EDIL3: variants seen among roughly 807,000 people sequenced by gnomAD.
The protein encoded by EDIL3 is EGF-like repeat and discoidin I-like domain-containing protein 3.
In EDIL3, 37 loss-of-function variants were observed where a neutral mutation model predicts 67.4. The ratio of observed to expected loss-of-function variants is 0.55; its 90% CI spans 0.42 to 0.72. The LOEUF is 0.72. Among genes scored for constraint, EDIL3 ranks in the 30% least tolerant of loss-of-function variants. The pLI, the probability that EDIL3 is intolerant of heterozygous loss-of-function variation, is 0.00. For synonymous variants in EDIL3, 195 were observed against 196.3 expected, an observed-to-expected ratio of 0.99 and a Z score of 0.05; for missense variants, 527 against 586.3, an observed-to-expected ratio of 0.90 and a Z score of 1.04.
intron 1 of EDIL3, among the ~76,000 whole-genome samples, chr5:84,349,848 C>A (rs560463202): frequency 1.3e-5 from 2 of 152,150 alleles, no homozygotes; most frequent in South Asian, 2.1e-4. Flanking sequence ...GTACAAATAT[C>A]TTAGCAAATA....
intron 4 of EDIL3, among the ~76,000 whole-genome samples, chr5:84,153,151 C>T (rs1748427577): frequency 6.6e-6 from 1 of 152,148 alleles, no homozygotes; most frequent in Non-Finnish European, 1.5e-5. Context: ...CCCCTCAAAA[C>T]TACCTCTTAC....
chr5:84,125,047 G>A (rs1181385174), intron 5 of EDIL3, among the ~76,000 whole-genome samples: 2 of 151,872 alleles, frequency 1.3e-5, no homozygotes, highest in African/African-American at 4.8e-5. Flanking sequence ...AGGATGCAGA[G>A]TAAAAACAGA....
At chr5:84,191,149 A>G (rs1453055215) in intron 3 of EDIL3, among the ~76,000 whole-genome samples, 1 of 152,072 alleles carries the variant, frequency 6.6e-6, no homozygotes, top group Non-Finnish European at 1.5e-5. Context: ...CAATCTGTAA[A>G]ATATCAGATT....
intron 1 of EDIL3, among the ~76,000 whole-genome samples, chr5:84,343,171 C>G (rs1747160378): frequency 6.6e-6 from 1 of 151,710 alleles, no homozygotes; most frequent in Admixed American, 6.6e-5. Context: ...AAACTTGGAC[C>G]ATCTAAGATT....
At chr5:84,351,261 T>C (rs928040551) in intron 1 of EDIL3, among the ~76,000 whole-genome samples, 1 of 152,190 alleles carries the variant, frequency 6.6e-6, no homozygotes, top group Non-Finnish European at 1.5e-5. Context: ...GATAATAAAT[T>C]TATAGCATCA....
intron 4 of EDIL3, among the ~76,000 whole-genome samples, chr5:84,144,625 A>G (rs115720840): frequency 0.018 from 2,665 of 152,224 alleles, 79 homozygotes; most frequent in African/African-American, 0.061. Context: ...TTATTTTTCT[A>G]AATTAATGTG....
intron 5 of EDIL3, among the ~76,000 whole-genome samples, chr5:84,111,231 C>T (rs1271436629): frequency 6.6e-6 from 1 of 152,126 alleles, no homozygotes; most frequent in East Asian, 1.9e-4. Flanking sequence ...AAACTATTTT[C>T]TTCATAAATT....
intron 3 of EDIL3, among the ~76,000 whole-genome samples, chr5:84,198,064 C>T (rs1743749309): frequency 6.6e-6 from 1 of 151,946 alleles, no homozygotes; most frequent in Non-Finnish European, 1.5e-5. Context: ...GGCACAACAT[C>T]TGAGTAGGCA....
At chr5:84,259,866 T>TA (rs1385646595) in intron 1 of EDIL3, among the ~76,000 whole-genome samples, 1 of 151,924 alleles carries the variant, frequency 6.6e-6, no homozygotes, top group Non-Finnish European at 1.5e-5. Context: ...AGACAATGGT[T>TA]AAAAAAAACC....
intron 4 of EDIL3, among the ~76,000 whole-genome samples, chr5:84,149,720 T>C (rs1748353345): frequency 6.6e-6 from 1 of 152,100 alleles, no homozygotes; most frequent in South Asian, 2.1e-4. Flanking sequence ...AAAACAGTTA[T>C]TAAAACTGTA....
chr5:84,319,494 CAAAAAAAAAAAAAAAAAAA>C (rs55738450), intron 1 of EDIL3, among the ~76,000 whole-genome samples: 3 of 42,832 alleles, frequency 7.0e-5, no homozygotes, highest in East Asian at 5.6e-4. Flanking sequence ...CAAAAAACAA[CAAAAAAAAAAAAAAAAAAA>C]AAAAAAAAAA....
At chr5:84,254,601 A>G (rs1745093671) in intron 1 of EDIL3, among the ~76,000 whole-genome samples, 2 of 152,206 alleles carry the variant, frequency 1.3e-5, no homozygotes, top group African/African-American at 4.8e-5. Context: ...TCTTTAAAGG[A>G]CAGGAGTTTA....
At chr5:84,371,389 ATG>A (rs1439455017) in intron 1 of EDIL3, among the ~76,000 whole-genome samples, 3 of 145,338 alleles carry the variant, frequency 2.1e-5, no homozygotes, top group East Asian at 2.0e-4. Context: ...GTGTATATAT[ATG>A]TGTGTATATA....
chr5:84,275,469 A>G (rs1270828170), intron 1 of EDIL3, among the ~76,000 whole-genome samples: 1 of 152,252 alleles, frequency 6.6e-6, no homozygotes, highest in Non-Finnish European at 1.5e-5. Context: ...AATTAGAGGT[A>G]GCTATATAAA....
intron 1 of EDIL3, among the ~76,000 whole-genome samples, chr5:84,362,047 A>G (rs560299377): frequency 6.6e-6 from 1 of 152,214 alleles, no homozygotes; most frequent in African/African-American, 2.4e-5. Flanking sequence ...TTAATGTAGA[A>G]TACATATAAG....
At chr5:84,243,230 G>C (rs1193504803) in intron 2 of EDIL3, among the ~76,000 whole-genome samples, 1 of 152,202 alleles carries the variant, frequency 6.6e-6, no homozygotes, top group African/African-American at 2.4e-5. Context: ...TTTATCACCT[G>C]ATGTCCTAAT....
At chr5:84,213,486 G>A (rs746037504) in intron 3 of EDIL3, among the ~76,000 whole-genome samples, 2 of 152,272 alleles carry the variant, frequency 1.3e-5, no homozygotes, top group Non-Finnish European at 2.9e-5. Context: ...AATCTGTACA[G>A]TGGTTTTAAT....
At chr5:84,186,770 T>C (rs991376586) in intron 3 of EDIL3, among the ~76,000 whole-genome samples, 2 of 151,982 alleles carry the variant, frequency 1.3e-5, no homozygotes, top group African/African-American at 4.8e-5. Context: ...TCACACAGCT[T>C]TGAAGCAGTT....
rs140074348 is a variant in EDIL3 at position 84,106,389 on chromosome 5, C to T, written c.651+260G>A. Among the ~76,000 whole-genome samples, 71 of 152,062 alleles carry T rather than the reference C, an allele frequency of 4.7e-4. 1 individual carries two copies. In the East Asian group the frequency reaches 0.013, roughly 29 times the overall value. On this transcript the variant is annotated intron_variant, in intron 6 of 10. Coordinates refer to ENST00000296591, the MANE Select transcript of EDIL3 (RefSeq NM_005711.5). ...CACACAGTATACAGAAAGTCTCCTGCTTTGATATGCACCTTAAAACAGTGA... is the reference window on the plus strand; with the variant it reads ...CACACAGTATACAGAAAGTCTCCTGTTTTGATATGCACCTTAAAACAGTGA...
Sources: gnomAD v4.1 joint callset for allele counts (sites outside exome capture counted in the v4.1 genomes callset) on GRCh38, gnomAD v4.1.1 for gene constraint, MANE v1.5 for transcripts, NCBI Gene and HGNC (gene_info 2026-07-23, HGNC 2026-07-21) for gene names.